Variants in TSHZ2 observed in about 807,000 individuals in gnomAD.
The protein encoded by TSHZ2 is teashirt homolog 2.
Under a neutral mutation model 74.4 loss-of-function variants are expected in TSHZ2, and 21 were observed. That is an observed-to-expected ratio of 0.28 (90% CI 0.20 to 0.41). The LOEUF is 0.41. Among genes scored for constraint, TSHZ2 ranks in the 10% least tolerant of loss-of-function variants. TSHZ2 has a pLI of 1.00. For synonymous variants in TSHZ2, 540 were observed against 515.3 expected, an observed-to-expected ratio of 1.05 and a Z score of -0.65; for missense variants, 1,244 against 1,293.5, an observed-to-expected ratio of 0.96 and a Z score of 0.59.
At chr20:53,422,987 T>C (rs1983531129) in intron 2 of TSHZ2, among the ~76,000 whole-genome samples, 1 of 151,996 alleles carries the variant, frequency 6.6e-6, no homozygotes, top group South Asian at 2.1e-4. Context: ...TTAGTCCCCA[T>C]TTTATAGATG....
intron 1 of TSHZ2, among the ~76,000 whole-genome samples, chr20:53,219,127 T>G (rs572345818): frequency 6.6e-6 from 1 of 152,310 alleles, no homozygotes; most frequent in East Asian, 1.9e-4. Context: ...TCTCAGTATT[T>G]CCATAGAAAG....
chr20:53,219,924 G>C (rs1305684901), intron 1 of TSHZ2, among the ~76,000 whole-genome samples: 1 of 152,178 alleles, frequency 6.6e-6, no homozygotes, highest in Admixed American at 6.5e-5. Flanking sequence ...ATATAGTGTT[G>C]ACTCCTCGAT....
chr20:53,272,285 C>T (rs952637495), intron 2 of TSHZ2, among the ~76,000 whole-genome samples: 5 of 152,078 alleles, frequency 3.3e-5, no homozygotes, highest in Non-Finnish European at 5.9e-5. Flanking sequence ...GCTAGGATTA[C>T]AGGCATGAAC....
intron 2 of TSHZ2, among the ~76,000 whole-genome samples, chr20:53,361,772 G>C (rs1162046927): frequency 2.0e-5 from 3 of 152,194 alleles, no homozygotes; most frequent in African/African-American, 7.2e-5. Context: ...ATGAAGAATT[G>C]TCTGGCATCC....
chr20:53,454,323 G>A (rs1984956250), intron 2 of TSHZ2, among the ~76,000 whole-genome samples: 2 of 152,098 alleles, frequency 1.3e-5, no homozygotes, highest in African/African-American at 2.4e-5. Flanking sequence ...CAGCACTTTG[G>A]GAGGCCAAGG....
chr20:53,118,677 C>T (rs571067635), intron 1 of TSHZ2, among the ~76,000 whole-genome samples: 26 of 152,208 alleles, frequency 1.7e-4, no homozygotes, highest in African/African-American at 5.3e-4. Context: ...CTGCTAGCAG[C>T]CTCTGGGGAC....
chr20:53,002,357 G>A (rs1182334456), intron 1 of TSHZ2, among the ~76,000 whole-genome samples: 2 of 152,210 alleles, frequency 1.3e-5, no homozygotes, highest in Admixed American at 6.5e-5. Flanking sequence ...TTTGTGGAGC[G>A]TCCATCAGCC....
intron 1 of TSHZ2, among the ~76,000 whole-genome samples, chr20:53,190,433 T>C (rs1012717305): frequency 6.6e-6 from 1 of 152,026 alleles, no homozygotes; most frequent in South Asian, 2.1e-4. Flanking sequence ...GTTCTAATGA[T>C]GCAGGGCGAG....
chr20:53,240,093 C>T (rs575513072), intron 1 of TSHZ2, among the ~76,000 whole-genome samples: 13 of 152,232 alleles, frequency 8.5e-5, no homozygotes, highest in South Asian at 8.3e-4. Context: ...TGGCTTGGTT[C>T]TCCAGCCACC....
chr20:53,227,671 C>G (rs1375733186), intron 1 of TSHZ2, among the ~76,000 whole-genome samples: 1 of 152,162 alleles, frequency 6.6e-6, no homozygotes, highest in East Asian at 1.9e-4. Flanking sequence ...ATTCCATTAG[C>G]TGCCCTACAG....
rs1323109268 is a variant in TSHZ2 at position 53,487,935 on chromosome 20, G to A, written c.*800G>A. On this transcript the variant is annotated 3_prime_UTR_variant, in exon 3 of 3. Coordinates refer to ENST00000371497, the MANE Select transcript of TSHZ2 (RefSeq NM_173485.6). Reference sequence around the variant, plus strand: ...AAAATAGTTTTAAGCACACACCACTGTCTATGAGAACTGCAAATTGGGAGA... The same window carrying A: ...AAAATAGTTTTAAGCACACACCACTATCTATGAGAACTGCAAATTGGGAGA... The A allele has an allele frequency of 2.6e-5, 4 of 152,186 alleles. No individual in the cohort carries two copies. The highest frequency in any genetic ancestry group is 2.6e-4 in the Admixed American group (4 of 15,280). 9.4% of individuals were successfully genotyped at this position (152,186 alleles called of 1,614,324 possible).
chr20:53,064,657 TTAAA>T (rs1333679210), intron 1 of TSHZ2, among the ~76,000 whole-genome samples: 3 of 144,280 alleles, frequency 2.1e-5, no homozygotes, highest in African/African-American at 8.1e-5. Context: ...AAATAACTTT[TTAAA>T]TAAATAAATA....
chr20:53,051,999 C>T (rs1263485833), intron 1 of TSHZ2, among the ~76,000 whole-genome samples: 1 of 151,548 alleles, frequency 6.6e-6, no homozygotes, highest in Admixed American at 6.6e-5. Flanking sequence ...CATAACATTG[C>T]AATTTATCAT....
intron 1 of TSHZ2, among the ~76,000 whole-genome samples, chr20:53,007,612 T>C (rs533973216): frequency 6.6e-6 from 1 of 151,778 alleles, no homozygotes; most frequent in Admixed American, 6.6e-5. Flanking sequence ...TGTGTTTGTG[T>C]GTGTGTGTGT....
At chr20:52,997,763 A>T (rs1982260698) in intron 1 of TSHZ2, among the ~76,000 whole-genome samples, 1 of 152,188 alleles carries the variant, frequency 6.6e-6, no homozygotes, top group South Asian at 2.1e-4. Flanking sequence ...CTTCCAAAGG[A>T]TTCCCAAGCT....
intron 1 of TSHZ2, among the ~76,000 whole-genome samples, chr20:53,148,415 T>C (rs1987595570): frequency 6.6e-6 from 1 of 152,194 alleles, no homozygotes; most frequent in Admixed American, 6.5e-5. Flanking sequence ...GTGATCCAGC[T>C]TCGAACCTCA....
chr20:53,332,578 T>C (rs147621999), intron 2 of TSHZ2, among the ~76,000 whole-genome samples: 41 of 152,248 alleles, frequency 2.7e-4, no homozygotes, highest in South Asian at 4.1e-4. Context: ...TGCACATACA[T>C]GCAGGCACGC....
At chr20:52,995,848 C>T (rs1309238947) in intron 1 of TSHZ2, among the ~76,000 whole-genome samples, 1 of 151,712 alleles carries the variant, frequency 6.6e-6, no homozygotes, top group Admixed American at 6.6e-5. Context: ...TCTTGATCTC[C>T]TGACCTCAGG....
rs571826225 is a variant in TSHZ2 at position 53,163,456 on chromosome 20, ATT to A, written c.41-90035_41-90034del. The stretch of plus-strand genomic sequence containing the variant: ...CTTTTATTTTATTTTATTTTATTTT[ATT>A]TTTTTTTATTATACTCTAAGTTTTA... On this transcript the variant is annotated intron_variant, in intron 1 of 2. Transcript: ENST00000371497. Among the ~76,000 whole-genome samples the A allele has an allele frequency of 7.7e-3, 729 of 94,630 alleles. 6 individuals are homozygous for A. Among genetic ancestry groups the A allele is most frequent in the African/African-American group, 0.032 (700 of 21,558 alleles). The allele number at this position is 94,630 out of a possible 152,430, so 62.1% of individuals were successfully genotyped here. A position where few individuals can be genotyped will look rare whatever the true frequency, so the allele number is the denominator to read the frequency against.
Sources: gnomAD v4.1 joint callset for allele counts (sites outside exome capture counted in the v4.1 genomes callset) on GRCh38, gnomAD v4.1.1 for gene constraint, MANE v1.5 for transcripts, NCBI Gene and HGNC (gene_info 2026-07-23, HGNC 2026-07-21) for gene names.